Variants in EYA2 observed in about 807,000 individuals in gnomAD.
The protein encoded by EYA2 is protein phosphatase EYA2.
A neutral mutation model predicts 69.2 loss-of-function variants in EYA2; 31 were observed. That is an observed-to-expected ratio of 0.45 (90% CI 0.34 to 0.60). The LOEUF (loss-of-function observed/expected upper bound fraction) is 0.60. Ranked by LOEUF, EYA2 falls within the 20% of genes least tolerant of loss-of-function variation. The pLI, the probability that EYA2 is intolerant of heterozygous loss-of-function variation, is 0.02. For synonymous variants in EYA2, 257 were observed against 279.4 expected, an observed-to-expected ratio of 0.92 and a Z score of 0.80; for missense variants, 622 against 701.2, an observed-to-expected ratio of 0.89 and a Z score of 1.28.
At chr20:46,962,287 AAAG>A (rs1287635179) in intron 1 of EYA2, among the ~76,000 whole-genome samples, 2 of 152,154 alleles carry the variant, frequency 1.3e-5, no homozygotes, top group Admixed American at 1.3e-4. Flanking sequence ...TCTGCCTCCC[AAAG>A]TTTTGGAATT....
intron 3 of EYA2, 78 bp downstream of exon 3, chr20:47,001,551 G>T: frequency 6.9e-7 from 1 of 1,444,152 alleles, no homozygotes; most frequent in Non-Finnish European, 9.7e-7. Flanking sequence ...AAGAGAGAGG[G>T]CCCTGGAGCC....
intron 1 of EYA2, among the ~76,000 whole-genome samples, chr20:46,903,783 T>C (rs990865198): frequency 2.7e-5 from 4 of 149,646 alleles, no homozygotes; most frequent in African/African-American, 9.7e-5. Flanking sequence ...TTATTATTTA[T>C]GAATTTGACC....
Position 47,169,178 on chromosome 20 carries a change from G to T in EYA2, c.1018G>T (p.Asp340Tyr). 3 of 1,614,002 alleles carry T rather than the reference G, an allele frequency of 1.9e-6. No homozygotes were observed. Among genetic ancestry groups the T allele is most frequent in the South Asian group, 1.1e-5 (1 of 91,072 alleles). The stretch of plus-strand genomic sequence containing the variant: ...CCACGTTGATGACGTCTCATCAGAT[G>T]ACAATGGCCAAGATTTAAGGTGGGA... ...QIHVDDVSSDDNGQDLSTYNF... is the reference protein window; with the variant it reads ...QIHVDDVSSDYNGQDLSTYNF... The change falls in exon 11 of 16, where the codon GAC (aspartate) becomes TAC (tyrosine). Residue 340 changes from aspartate (D) to tyrosine (Y), a missense_variant. Around this residue, in one of 2 missense-constraint regions of EYA2, gnomAD observed 257 missense variants for 351.5 expected, o/e 0.73. Coordinates refer to ENST00000327619, the MANE Select transcript of EYA2 (RefSeq NM_005244.5).
intron 15 of EYA2, among the ~76,000 whole-genome samples, chr20:47,184,386 T>G (rs1438782561): frequency 6.7e-6 from 1 of 148,396 alleles, no homozygotes; most frequent in African/African-American, 2.5e-5. Flanking sequence ...CTCCAAAAAC[T>G]CCTACAAAGT....
At chr20:47,147,528 G>A (rs1441435339) in intron 10 of EYA2, among the ~76,000 whole-genome samples, 5 of 152,200 alleles carry the variant, frequency 3.3e-5, no homozygotes, top group Admixed American at 6.5e-5. Flanking sequence ...GGAACAGGAA[G>A]AATTGTGGTG....
intron 12 of EYA2, 118 bp downstream of exon 12, chr20:47,172,985 C>T: frequency 4.5e-6 from 5 of 1,113,262 alleles, no homozygotes; most frequent in Non-Finnish European, 6.3e-6. Flanking sequence ...TACCAGCCCA[C>T]TTAATGCAAC....
intron 1 of EYA2, among the ~76,000 whole-genome samples, chr20:46,930,216 T>C (rs1243872335): frequency 6.6e-6 from 1 of 152,226 alleles, no homozygotes; most frequent in Non-Finnish European, 1.5e-5. Context: ...TGCATTGGTA[T>C]ATAAATTTTA....
At chr20:47,103,374 G>A (rs1037901532) in intron 9 of EYA2, among the ~76,000 whole-genome samples, 4 of 152,102 alleles carry the variant, frequency 2.6e-5, no homozygotes, top group Non-Finnish European at 4.4e-5. Flanking sequence ...GTGATCATCC[G>A]TGTTGTAGCA....
rs574948157 is a variant in EYA2, at chr20:47,165,588, C to T, written c.979-3551C>T. Among the ~76,000 whole-genome samples, 5 of 152,302 alleles carry T rather than the reference C, an allele frequency of 3.3e-5. No individual in the cohort carries two copies. The South Asian group carries it at 8.3e-4, about 25-fold the overall frequency. ...CACTGTCCAAACCCAGGGTGCTGCC[C>T]GTGGGTCACAGAGGTGCAAGGTCCT... On this transcript the variant is annotated intron_variant, in intron 10 of 15. Transcript: ENST00000327619.
intron 1 of EYA2, among the ~76,000 whole-genome samples, chr20:46,964,586 G>A (rs1018796850): frequency 6.6e-6 from 1 of 152,216 alleles, no homozygotes; most frequent in Non-Finnish European, 1.5e-5. Context: ...AGGTATCCCA[G>A]GCATGGCAGA....
At chr20:46,915,396 C>G (rs1170044552) in intron 1 of EYA2, among the ~76,000 whole-genome samples, 1 of 152,168 alleles carries the variant, frequency 6.6e-6, no homozygotes, top group African/African-American at 2.4e-5. Context: ...CCACTTAGTG[C>G]TTTTCAGAGA....
In EYA2 at chr20:46,987,964, C is replaced by CTA. The variant is rs71183225; in HGVS notation, c.-10-2005_-10-2004dup. ...TCTCTCTCTCTCTCTCTCTCTCTCT[C>CTA]TATATATATATATATATATATATAT... On this transcript the variant is annotated intron_variant, in intron 1 of 15. Transcript: ENST00000327619. Among the ~76,000 whole-genome samples the CTA allele has an allele frequency of 9.2e-3, 103 of 11,242 alleles. 7 individuals are homozygous for CTA. Among genetic ancestry groups the CTA allele is most frequent in the Non-Finnish European group, 0.01 (62 of 5,924 alleles). The allele number at this position is 11,242 out of a possible 152,430, so 7.4% of individuals were successfully genotyped here.
chr20:46,952,992 G>A (rs985792911), intron 1 of EYA2, among the ~76,000 whole-genome samples: 1 of 152,194 alleles, frequency 6.6e-6, no homozygotes, highest in Non-Finnish European at 1.5e-5. Context: ...GTTTTGCACA[G>A]CTCATAGAGT....
At chr20:47,046,202 A>G (rs2030028238) in intron 5 of EYA2, among the ~76,000 whole-genome samples, 2 of 152,118 alleles carry the variant, frequency 1.3e-5, no homozygotes, top group African/African-American at 4.8e-5. Context: ...CTTCTTTTAT[A>G]AGGGGCTTCT....
At chr20:47,120,515 G>A (rs1168053544) in intron 9 of EYA2, among the ~76,000 whole-genome samples, 4 of 152,354 alleles carry the variant, frequency 2.6e-5, no homozygotes, top group South Asian at 2.1e-4. Flanking sequence ...GCCATAGCCC[G>A]TGTGCCCAAT....
In EYA2 at chr20:46,954,431, G is replaced by T. The variant is rs939133138; in HGVS notation, c.-10-35570G>T. 2.6e-5 allele frequency among the ~76,000 whole-genome samples: 4 copies of T among 152,228 alleles called. No homozygotes were observed. In the East Asian group the frequency reaches 7.7e-4, roughly 29 times the overall value. On this transcript the variant is annotated intron_variant, in intron 1 of 15. Coordinates refer to ENST00000327619, the MANE Select transcript of EYA2 (RefSeq NM_005244.5). Reference sequence around the variant, plus strand: ...AAATTTAGGAGCTTACAGTAAAGAAGCAATGTCTCAACCCACACAGCTGTG... The same window carrying T: ...AAATTTAGGAGCTTACAGTAAAGAATCAATGTCTCAACCCACACAGCTGTG...
chr20:46,921,389 AC>A (rs1985172508), intron 1 of EYA2, among the ~76,000 whole-genome samples: 1 of 152,238 alleles, frequency 6.6e-6, no homozygotes, highest in Non-Finnish European at 1.5e-5. Context: ...CCTCTGCAGT[AC>A]GTGATGCTTA....
chr20:47,165,504 A>G (rs1568820524), intron 10 of EYA2, among the ~76,000 whole-genome samples: 1 of 152,088 alleles, frequency 6.6e-6, no homozygotes, highest in African/African-American at 2.4e-5. Context: ...GCTGACCCCT[A>G]GGAAGCCACC....
intron 3 of EYA2, among the ~76,000 whole-genome samples, chr20:47,002,745 A>C (rs1054050903): frequency 2.0e-5 from 3 of 152,140 alleles, no homozygotes; most frequent in African/African-American, 7.2e-5. Flanking sequence ...TGAGCCCTAG[A>C]AACTCAGAGA....
Sources: gnomAD v4.1 joint callset for allele counts (sites outside exome capture counted in the v4.1 genomes callset) on GRCh38, gnomAD v4.1.1 for gene constraint, gnomAD v4.1.1 regional missense constraint, MANE v1.5 for transcripts, NCBI Gene and HGNC (gene_info 2026-07-23, HGNC 2026-07-21) for gene names.